Variants in JAZF1 observed in about 807,000 individuals in gnomAD.
JAZF1 encodes the protein JAZF zinc finger 1.
Under a neutral mutation model 26.4 loss-of-function variants are expected in JAZF1, and 8 were observed. The ratio of observed to expected loss-of-function variants is 0.30; its 90% CI spans 0.18 to 0.55. JAZF1 has a LOEUF of 0.55. JAZF1 is among the 20% of genes least tolerant of loss of function. The pLI, the probability that JAZF1 is intolerant of heterozygous loss-of-function variation, is 0.94. For synonymous variants in JAZF1, 126 were observed against 122.3 expected (o/e 1.03, Z -0.20); for missense variants, 199 against 322.0 (o/e 0.62, Z 2.92).
At chr7:27,966,180 A>G (rs1276823890) in intron 2 of JAZF1, among the ~76,000 whole-genome samples, 1 of 152,188 alleles carries the variant, frequency 6.6e-6, no homozygotes, top group Non-Finnish European at 1.5e-5. Flanking sequence ...ACATTCCACA[A>G]CTCTACAATG....
Position 28,128,887 on chromosome 7 carries a change from A to G in JAZF1, c.115+51576T>C, listed in dbSNP as rs577008529. 7.9e-5 allele frequency among the ~76,000 whole-genome samples: 12 copies of G among 152,296 alleles called. No homozygotes were observed. In the East Asian group the frequency reaches 9.7e-4, roughly 12 times the overall value. On this transcript the variant is annotated intron_variant, in intron 1 of 4. Coordinates refer to ENST00000283928, the MANE Select transcript of JAZF1 (RefSeq NM_175061.4). ...TTCTTCAAAAGAATGTACTACTCAG[A>G]ACACAAGATGCTGATTTAGTGATTT...
At chr7:27,933,007 C>T (rs1437651010) in intron 2 of JAZF1, among the ~76,000 whole-genome samples, 1 of 152,076 alleles carries the variant, frequency 6.6e-6, no homozygotes, top group Non-Finnish European at 1.5e-5. Flanking sequence ...TAAAGGCAGG[C>T]CAGGAGATGC....
intron 1 of JAZF1, among the ~76,000 whole-genome samples, chr7:28,095,466 A>G (rs1349624653): frequency 6.6e-6 from 1 of 152,142 alleles, no homozygotes; most frequent in African/African-American, 2.4e-5. Context: ...TGTGAGAACT[A>G]ACTCACTATC....
chr7:28,129,594 C>A (rs1170714941), intron 1 of JAZF1, among the ~76,000 whole-genome samples: 2 of 152,092 alleles, frequency 1.3e-5, no homozygotes. Context: ...AATGCTATAC[C>A]AAAAGAACTA....
rs561316078 is a variant in JAZF1, at chr7:28,058,773, C to T, written c.116-66792G>A. Among the ~76,000 whole-genome samples, 23 of 152,196 alleles carry T rather than the reference C, an allele frequency of 1.5e-4. No individual in the cohort carries two copies. In the South Asian group the frequency reaches 2.1e-3, roughly 14 times the overall value. ...ATGCTTCATAATTTCCAAACATATG[C>T]GTTTTCTTCTAGTTTTTGTTACTGA... On this transcript the variant is annotated intron_variant, in intron 1 of 4. Coordinates refer to ENST00000283928, the MANE Select transcript of JAZF1 (RefSeq NM_175061.4).
At chr7:28,030,632 T>TA (rs958475117) in intron 1 of JAZF1, among the ~76,000 whole-genome samples, 4 of 151,948 alleles carry the variant, frequency 2.6e-5, no homozygotes, top group East Asian at 1.9e-4. Context: ...CTTGTACCAC[T>TA]AAAAAAAAGT....
intron 1 of JAZF1, among the ~76,000 whole-genome samples, chr7:28,067,256 G>C (rs2082832550): frequency 6.6e-6 from 1 of 152,184 alleles, no homozygotes; most frequent in Admixed American, 6.5e-5. Context: ...ATGTTTCCTT[G>C]CTCCATCAGT....
chr7:28,132,619 T>A (rs1049791608), intron 1 of JAZF1, among the ~76,000 whole-genome samples: 3 of 152,218 alleles, frequency 2.0e-5, no homozygotes, highest in Admixed American at 2.0e-4. Context: ...TGATCTTCTG[T>A]GTAATGATGA....
At chr7:27,945,699 T>C (rs1021315449) in intron 2 of JAZF1, among the ~76,000 whole-genome samples, 16 of 152,210 alleles carry the variant, frequency 1.1e-4, no homozygotes, top group East Asian at 7.7e-4. Flanking sequence ...ACCCCAGACC[T>C]ATGGGATTTG....
At chr7:27,970,132 T>C (rs1238120515) in intron 2 of JAZF1, among the ~76,000 whole-genome samples, 2 of 152,158 alleles carry the variant, frequency 1.3e-5, no homozygotes, top group East Asian at 1.9e-4. Flanking sequence ...CTTTGTAAAA[T>C]AGAGAGGGTT....
intron 1 of JAZF1, among the ~76,000 whole-genome samples, chr7:28,116,503 G>A (rs1187639507): frequency 6.6e-6 from 1 of 152,130 alleles, no homozygotes; most frequent in South Asian, 2.1e-4. Flanking sequence ...GGAGTGCAAT[G>A]GTGCGATCTT....
intron 1 of JAZF1, among the ~76,000 whole-genome samples, chr7:28,136,084 G>T (rs531907789): frequency 6.6e-6 from 1 of 152,196 alleles, no homozygotes; most frequent in African/African-American, 2.4e-5. Flanking sequence ...CTACAACGCT[G>T]CTATGGAAGC....
At chr7:27,876,794 A>G (rs1045281914) in intron 3 of JAZF1, among the ~76,000 whole-genome samples, 1 of 152,174 alleles carries the variant, frequency 6.6e-6, no homozygotes, top group African/African-American at 2.4e-5. Context: ...CCTTCCTCAG[A>G]GGATGGAACT....
chr7:27,838,359 T>C lies in JAZF1; in HGVS notation c.555+2339A>G, dbSNP rs143185765. Among the ~76,000 whole-genome samples, 1,313 of 152,226 alleles carry C rather than the reference T, an allele frequency of 8.6e-3. 17 individuals are homozygous for C. The highest frequency in any genetic ancestry group is 0.029 in the African/African-American group (1,200 of 41,542). On this transcript the variant is annotated intron_variant, in intron 4 of 4. Coordinates refer to ENST00000283928, the MANE Select transcript of JAZF1 (RefSeq NM_175061.4). The stretch of plus-strand genomic sequence containing the variant: ...AAATGTGGAGACTTGGCCTTACCAG[T>C]GGGATCCTTCTCCCATTCCCTGCTC...
intron 2 of JAZF1, among the ~76,000 whole-genome samples, chr7:27,936,691 T>C (rs1467864470): frequency 6.6e-6 from 1 of 152,222 alleles, no homozygotes; most frequent in South Asian, 2.1e-4. Flanking sequence ...GAGATGGTGG[T>C]AGTAAAGATT....
intron 3 of JAZF1, among the ~76,000 whole-genome samples, chr7:27,883,709 T>A (rs752990807): frequency 4.6e-5 from 7 of 152,206 alleles, no homozygotes; most frequent in Non-Finnish European, 8.8e-5. Flanking sequence ...ACTTTGGGTA[T>A]TGGAAGACGT....
At chr7:27,962,622 A>G (rs1385057134) in intron 2 of JAZF1, among the ~76,000 whole-genome samples, 1 of 152,218 alleles carries the variant, frequency 6.6e-6, no homozygotes, top group Non-Finnish European at 1.5e-5. Context: ...ACAAATCCAT[A>G]GAGGAAAGGC....
chr7:28,095,996 T>A (rs1784377423), intron 1 of JAZF1, among the ~76,000 whole-genome samples: 3 of 152,228 alleles, frequency 2.0e-5, no homozygotes, highest in Admixed American at 2.0e-4. Flanking sequence ...ATGACTCATT[T>A]AACCTTCATC....
At chr7:28,110,033 C>CAT (rs1299885671) in intron 1 of JAZF1, among the ~76,000 whole-genome samples, 2 of 152,174 alleles carry the variant, frequency 1.3e-5, no homozygotes, top group African/African-American at 4.8e-5. Flanking sequence ...ACGTCACACA[C>CAT]ATTTATCAAT....
Sources: gnomAD v4.1 joint callset for allele counts (sites outside exome capture counted in the v4.1 genomes callset) on GRCh38, gnomAD v4.1.1 for gene constraint, MANE v1.5 for transcripts, NCBI Gene and HGNC (gene_info 2026-07-23, HGNC 2026-07-21) for gene names.